The following RBFOX1 variants were observed in gnomAD, a reference collection of about 807,000 sequenced individuals.
The protein encoded by RBFOX1 is RNA binding protein fox-1 homolog 1.
A neutral mutation model predicts 57.7 loss-of-function variants in RBFOX1; 8 were observed. The ratio of observed to expected loss-of-function variants is 0.14; its 90% CI spans 0.08 to 0.25. The LOEUF (loss-of-function observed/expected upper bound fraction) is 0.25, where lower values mean the gene tolerates loss of function less well. RBFOX1 is among the 10% of genes least tolerant of loss of function. RBFOX1 has a pLI of 1.00. For synonymous variants in RBFOX1, 326 were observed against 222.4 expected (o/e 1.47, Z -4.15); for missense variants, 611 against 548.5 (o/e 1.11, Z -1.14).
intron 3 of RBFOX1, among the ~76,000 whole-genome samples, chr16:6,843,652 G>C (rs1024350074): frequency 6.6e-6 from 1 of 152,154 alleles, no homozygotes; most frequent in African/African-American, 2.4e-5. Flanking sequence ...TCGCGCCACC[G>C]CACTCCAGCC....
At chr16:7,007,772 A>G (rs2093386853) in intron 3 of RBFOX1, among the ~76,000 whole-genome samples, 1 of 152,100 alleles carries the variant, frequency 6.6e-6, no homozygotes, top group Non-Finnish European at 1.5e-5. Flanking sequence ...GTCCTTAGAA[A>G]CTGTGAGGAT....
intron 4 of RBFOX1, among the ~76,000 whole-genome samples, chr16:7,252,297 G>A (rs2094524998): frequency 6.6e-6 from 1 of 152,172 alleles, no homozygotes; most frequent in Non-Finnish European, 1.5e-5. Context: ...TTGACTTGAA[G>A]TAAGTGGAAA....
At chr16:7,333,396 G>C (rs1293687149) in intron 4 of RBFOX1, among the ~76,000 whole-genome samples, 2 of 152,200 alleles carry the variant, frequency 1.3e-5, no homozygotes, top group African/African-American at 4.8e-5. Flanking sequence ...TCAGCTTTCT[G>C]AGGGACTCAG....
chr16:7,000,073 GAAAA>G, intron 3 of RBFOX1, among the ~76,000 whole-genome samples: 1 of 134,834 alleles, frequency 7.4e-6, no homozygotes, highest in Non-Finnish European at 1.6e-5. Context: ...CTGTTTCAAA[GAAAA>G]AAAAAAAAAA....
intron 3 of RBFOX1, among the ~76,000 whole-genome samples, chr16:6,860,640 A>G (rs1436022810): frequency 6.6e-6 from 1 of 152,202 alleles, no homozygotes; most frequent in Non-Finnish European, 1.5e-5. Context: ...TCAACCAGAC[A>G]TTAATTGTCC....
chr16:5,359,788 C>T (rs899474141), intron 1 of RBFOX1, among the ~76,000 whole-genome samples: 9 of 151,516 alleles, frequency 5.9e-5, no homozygotes, highest in South Asian at 2.1e-4. Flanking sequence ...TATGAATTTT[C>T]GGGGAGTCAT....
chr16:6,909,224 C>G (rs1427794936), intron 3 of RBFOX1, among the ~76,000 whole-genome samples: 2 of 152,158 alleles, frequency 1.3e-5, no homozygotes, highest in African/African-American at 4.8e-5. Flanking sequence ...CTAGAGGCCA[C>G]CCAGATTACA....
chr16:5,263,681 G>C (rs761296979), intron 1 of RBFOX1, among the ~76,000 whole-genome samples: 13 of 152,164 alleles, frequency 8.5e-5, no homozygotes, highest in Non-Finnish European at 1.9e-4. Flanking sequence ...GGGAAAGGCA[G>C]AGGAAGAGGG....
At chr16:6,945,695 A>C (rs2079365790) in intron 3 of RBFOX1, among the ~76,000 whole-genome samples, 1 of 152,150 alleles carries the variant, frequency 6.6e-6, no homozygotes, top group African/African-American at 2.4e-5. Flanking sequence ...GTTCAAGACC[A>C]GCCTGGCCAA....
intron 1 of RBFOX1, among the ~76,000 whole-genome samples, chr16:6,314,907 T>C (rs2080882127): frequency 6.6e-6 from 1 of 152,228 alleles, no homozygotes. Flanking sequence ...CAAATCATGT[T>C]CTTCCACTTC....
At chr16:6,883,549 C>T (rs1382980770) in intron 3 of RBFOX1, among the ~76,000 whole-genome samples, 1 of 152,210 alleles carries the variant, frequency 6.6e-6, no homozygotes. Flanking sequence ...GGCACACTGC[C>T]ATATGTAACT....
chr16:5,603,353 G>A (rs1158234656), downstream of RBFOX1, among the ~76,000 whole-genome samples: 5 of 152,132 alleles, frequency 3.3e-5, no homozygotes, highest in African/African-American at 1.2e-4. Flanking sequence ...TGGGGAAACT[G>A]AGGCTCAGAA....
In RBFOX1 at chr16:5,454,898, CT is replaced by C. The variant is rs1249577021; in HGVS notation, c.220-12315del. On this transcript the variant is annotated intron_variant, in intron 1 of 2. Coordinates refer to the RBFOX1 transcript ENST00000585867. ...TCTTTCTTTCTTTCTTTCTTTCTTT[CT>C]TTCTTTCTTTCTTTCCTTTGTTTCT... Among the ~76,000 whole-genome samples, 35 of 66,576 alleles carry C rather than the reference CT, an allele frequency of 5.3e-4. 1 individual carries two copies. The South Asian group carries it at 7.4e-3, about 14-fold the overall frequency. The allele number at this position is 66,576 out of a possible 152,430, so 43.7% of individuals were successfully genotyped here.
chr16:7,211,391 C>CCAA (rs371099506), intron 4 of RBFOX1, among the ~76,000 whole-genome samples: 1 of 83,942 alleles, frequency 1.2e-5, no homozygotes, highest in African/African-American at 4.7e-5. Context: ...GACTGCCTCT[C>CCAA]AAAAAAAAAA....
intron 3 of RBFOX1, among the ~76,000 whole-genome samples, chr16:5,720,217 G>A (rs914340977): frequency 1.3e-5 from 2 of 152,020 alleles, no homozygotes; most frequent in Non-Finnish European, 2.9e-5. Flanking sequence ...TTTGTAGTAG[G>A]TCTTTTTTGG....
At chr16:5,415,387 C>A (rs2067135314) in intron 1 of RBFOX1, among the ~76,000 whole-genome samples, 1 of 152,190 alleles carries the variant, frequency 6.6e-6, no homozygotes, top group Non-Finnish European at 1.5e-5. Flanking sequence ...GATGCAGTCA[C>A]TTCCCACCGA....
At chr16:6,676,953 G>C (rs1358529493) in intron 3 of RBFOX1, among the ~76,000 whole-genome samples, 1 of 151,954 alleles carries the variant, frequency 6.6e-6, no homozygotes, top group Non-Finnish European at 1.5e-5. Flanking sequence ...TGGGATTACA[G>C]GCATGAGCCA....
chr16:5,774,513 A>T (rs1020666957), intron 3 of RBFOX1, among the ~76,000 whole-genome samples: 6 of 152,184 alleles, frequency 3.9e-5, no homozygotes, highest in Non-Finnish European at 8.8e-5. Flanking sequence ...CAACAAGGAG[A>T]GGTTATGCAG....
chr16:5,666,094 C>T (rs1336136058), intron 3 of RBFOX1, among the ~76,000 whole-genome samples: 1 of 152,222 alleles, frequency 6.6e-6, no homozygotes, highest in African/African-American at 2.4e-5. Flanking sequence ...AGCAAGGATG[C>T]CCCCAAGGGA....
Sources: gnomAD v4.1 joint callset for allele counts (sites outside exome capture counted in the v4.1 genomes callset) on GRCh38, gnomAD v4.1.1 for gene constraint, MANE v1.5 for transcripts, NCBI Gene and HGNC (gene_info 2026-07-23, HGNC 2026-07-21) for gene names.